ETV5: variants seen among roughly 807,000 people sequenced by gnomAD.
ETV5 encodes the protein ETS translocation variant 5.
A neutral mutation model predicts 70.0 loss-of-function variants in ETV5; 10 were observed. The ratio of observed to expected loss-of-function variants is 0.14; its 90% CI spans 0.09 to 0.24. The LOEUF (loss-of-function observed/expected upper bound fraction) is 0.24. Among genes scored for constraint, ETV5 ranks in the 10% least tolerant of loss-of-function variants. The probability of loss-of-function intolerance (pLI) is 1.00; values close to 1 mark genes in which losing one functional copy is unlikely to be tolerated. For synonymous variants in ETV5, 216 were observed against 242.2 expected (o/e 0.89, Z 1.01); for missense variants, 453 against 651.2 (o/e 0.70, Z 3.31).
At chr3:186,107,776 C>G (rs1337552502) in intron 1 of ETV5, among the ~76,000 whole-genome samples, 1 of 151,904 alleles carries the variant, frequency 6.6e-6, no homozygotes, top group East Asian at 1.9e-4. Context: ...AATGGGAGAG[C>G]GAGCCGCGGC....
At chr3:186,107,700 T>A (rs1409404521) in intron 1 of ETV5, among the ~76,000 whole-genome samples, 1 of 151,282 alleles carries the variant, frequency 6.6e-6, no homozygotes, top group African/African-American at 2.4e-5. Context: ...CCAGGAAAAC[T>A]TTAGCACAGC....
intron 7 of ETV5, among the ~76,000 whole-genome samples, chr3:186,071,824 G>C (rs981302735): frequency 1.3e-5 from 2 of 151,106 alleles, no homozygotes; most frequent in Non-Finnish European, 1.5e-5. Flanking sequence ...TTGACATGGA[G>C]TGTCGCTCTG....
chr3:186,050,951 T>C (rs1266520134), intron 12 of ETV5, among the ~76,000 whole-genome samples: 1 of 152,232 alleles, frequency 6.6e-6, no homozygotes, highest in Non-Finnish European at 1.5e-5. Flanking sequence ...TTTTATGGTA[T>C]GCTTGATAAT....
chr3:186,103,391 C>T (rs1293543278), intron 5 of ETV5, among the ~76,000 whole-genome samples: 2 of 152,204 alleles, frequency 1.3e-5, no homozygotes, highest in Admixed American at 6.5e-5. Flanking sequence ...ACCCTTGCTT[C>T]AGCACATGCA....
intron 5 of ETV5, among the ~76,000 whole-genome samples, chr3:186,081,878 G>A (rs769514035): frequency 9.2e-5 from 14 of 152,208 alleles, no homozygotes; most frequent in South Asian, 2.1e-4. Context: ...ACCAGCAAGG[G>A]TAGGTTTGCG....
At chr3:186,094,844 C>T (rs138835266) in intron 5 of ETV5, among the ~76,000 whole-genome samples, 122 of 152,206 alleles carry the variant, frequency 8.0e-4, no homozygotes, top group African/African-American at 2.7e-3. Flanking sequence ...CTTGTGAGTA[C>T]GGAACTGACT....
At chr3:186,064,383 A>G in intron 9 of ETV5, 34 bp downstream of exon 9, 1 of 1,588,972 alleles carries the variant, frequency 6.3e-7, no homozygotes, top group Non-Finnish European at 8.6e-7. Flanking sequence ...GAGAGGAGAG[A>G]GGAGAGAAGA....
chr3:186,055,263 A>G (rs527373286), intron 11 of ETV5, among the ~76,000 whole-genome samples: 3 of 152,342 alleles, frequency 2.0e-5, no homozygotes, highest in African/African-American at 7.2e-5. Flanking sequence ...TAAATCAATA[A>G]GGGCTGCCCA....
intron 8 of ETV5, among the ~76,000 whole-genome samples, chr3:186,064,974 G>C (rs953984361): frequency 6.6e-6 from 1 of 152,186 alleles, no homozygotes; most frequent in African/African-American, 2.4e-5. Context: ...TAGGGGACCT[G>C]AAGTTAGGAA....
At chr3:186,049,600 G>A (rs1240017124) in intron 12 of ETV5, among the ~76,000 whole-genome samples, 1 of 152,220 alleles carries the variant, frequency 6.6e-6, no homozygotes, top group Non-Finnish European at 1.5e-5. Context: ...CTTCTGTCTG[G>A]AGACGCAGAG....
chr3:186,052,158 A>G lies in ETV5; in HGVS notation c.1210-27T>C. The G allele has an allele frequency of 6.2e-7, 1 of 1,602,662 alleles. No homozygotes were observed. The highest frequency in any genetic ancestry group is 8.5e-7 in the Non-Finnish European group (1 of 1,170,032). On this transcript the variant is annotated intron_variant, in intron 11 of 12. Coordinates refer to ENST00000306376, the MANE Select transcript of ETV5 (RefSeq NM_004454.3). The surrounding 1 kb of genome is among the most constrained non-coding windows in gnomAD (Gnocchi z 4.5). ...TGAAGAGACAGGAAAGTGAAGAGCA[A>G]TGGAAACGCATTCCCTGGGCCCCAT...
At chr3:186,107,006 A>AT in intron 1 of ETV5, 4 of 956,590 alleles carry the variant, frequency 4.2e-6, no homozygotes, top group Non-Finnish European at 5.0e-6. Context: ...CATATACACA[A>AT]TTTTAAACAG....
intron 7 of ETV5, among the ~76,000 whole-genome samples, chr3:186,074,449 G>A (rs995853340): frequency 2.0e-5 from 3 of 151,988 alleles, no homozygotes; most frequent in South Asian, 2.1e-4. Context: ...TATAGAAAAC[G>A]GAAGACACCC....
intron 12 of ETV5, among the ~76,000 whole-genome samples, chr3:186,050,022 T>A (rs1380534109): frequency 6.6e-6 from 1 of 152,318 alleles, no homozygotes; most frequent in East Asian, 1.9e-4. Context: ...CGGGCTATCA[T>A]TCACCTTTTA....
At chr3:186,093,234 G>A (rs1050632283) in intron 5 of ETV5, among the ~76,000 whole-genome samples, 3 of 152,124 alleles carry the variant, frequency 2.0e-5, no homozygotes, top group Non-Finnish European at 2.9e-5. Context: ...TACTTACAAA[G>A]GAATTTTAAT....
chr3:186,081,869 C>G (rs950317913), intron 5 of ETV5, among the ~76,000 whole-genome samples: 2 of 152,200 alleles, frequency 1.3e-5, no homozygotes, highest in Non-Finnish European at 2.9e-5. Context: ...CAGTGACCGA[C>G]CAGCAAGGGT....
intron 9 of ETV5, among the ~76,000 whole-genome samples, chr3:186,063,536 G>A (rs1008910226): frequency 6.6e-6 from 1 of 152,166 alleles, no homozygotes; most frequent in Admixed American, 6.5e-5. Context: ...AAGGGATAGG[G>A]CACAAGAACT....
chr3:186,107,539 C>T (rs1007244704), intron 1 of ETV5, among the ~76,000 whole-genome samples: 4 of 152,190 alleles, frequency 2.6e-5, no homozygotes, highest in South Asian at 4.1e-4. Flanking sequence ...AAGAAATAAA[C>T]TGCCATAAAC....
In ETV5 at chr3:186,064,444, C is replaced by T. The variant is rs766071992; in HGVS notation, c.943G>A (p.Gly315Arg). 6 of 1,614,122 alleles carry T rather than the reference C, an allele frequency of 3.7e-6. 1 individual carries two copies. In the South Asian group the frequency reaches 6.6e-5, roughly 18 times the overall value. The change falls in exon 9 of 13, where the codon GGG becomes AGG. Residue 315 changes from glycine to arginine, a missense_variant. Coordinates refer to ENST00000306376, the MANE Select transcript of ETV5 (RefSeq NM_004454.3). Reference sequence around the variant, plus strand: ...TCATGGCTGCTGGAGAAATAACCCCCTCTCATGTAGGATGACTGGCAGTTA... The same window carrying T: ...TCATGGCTGCTGGAGAAATAACCCCTTCTCATGTAGGATGACTGGCAGTTA... ...VPNCQSSYMRGGYFSSSHEGF... is the reference protein window; with the variant it reads ...VPNCQSSYMRRGYFSSSHEGF...
Sources: gnomAD v4.1 joint callset for allele counts (sites outside exome capture counted in the v4.1 genomes callset) on GRCh38, gnomAD v4.1.1 for gene constraint, Gnocchi (gnomAD v3.1) non-coding constraint, MANE v1.5 for transcripts, NCBI Gene and HGNC (gene_info 2026-07-23, HGNC 2026-07-21) for gene names.